NKAIN3: variants seen among roughly 807,000 people sequenced by gnomAD.
The protein encoded by NKAIN3 is sodium/potassium transporting ATPase interacting 3, also known as sodium/potassium-transporting ATPase subunit beta-1-interacting protein 3.
A neutral mutation model predicts 30.2 loss-of-function variants in NKAIN3; 25 were observed. The observed-to-expected ratio is 0.83, with a 90% confidence interval of 0.60 to 1.16. The LOEUF (loss-of-function observed/expected upper bound fraction) is 1.16. Among genes scored for constraint, NKAIN3 ranks in the 50% most tolerant of loss-of-function variants. The pLI, the probability that NKAIN3 is intolerant of heterozygous loss-of-function variation, is 0.00. For synonymous variants in NKAIN3, 91 were observed against 89.6 expected, an observed-to-expected ratio of 1.02 and a Z score of -0.09; for missense variants, 225 against 254.1, an observed-to-expected ratio of 0.89 and a Z score of 0.78.
intron 1 of NKAIN3, among the ~76,000 whole-genome samples, chr8:62,325,011 G>T (rs1167493402): frequency 6.6e-6 from 1 of 151,932 alleles, no homozygotes; most frequent in Non-Finnish European, 1.5e-5. Context: ...ACTTTTTGGG[G>T]TACATGTGGT....
intron 3 of NKAIN3, among the ~76,000 whole-genome samples, chr8:62,733,715 C>G (rs1046685575): frequency 2.0e-5 from 3 of 152,136 alleles, no homozygotes; most frequent in Non-Finnish European, 2.9e-5. Context: ...AAACTCTGAT[C>G]AGATGTGTAT....
At chr8:62,924,746 G>A (rs1822388375) in intron 5 of NKAIN3, among the ~76,000 whole-genome samples, 1 of 152,172 alleles carries the variant, frequency 6.6e-6, no homozygotes, top group African/African-American at 2.4e-5. Context: ...TATAATAACA[G>A]GAAGTTATTT....
At chr8:62,727,027 G>C (rs1040682296) in intron 3 of NKAIN3, among the ~76,000 whole-genome samples, 1 of 152,094 alleles carries the variant, frequency 6.6e-6, no homozygotes, top group African/African-American at 2.4e-5. Flanking sequence ...TTTATTGCAT[G>C]TATATGAAGA....
intron 4 of NKAIN3, among the ~76,000 whole-genome samples, chr8:62,805,994 A>G (rs191319575): frequency 1.3e-5 from 2 of 152,346 alleles, no homozygotes; most frequent in East Asian, 1.9e-4. Flanking sequence ...TGGGTGAAGG[A>G]CATGAACAGA....
At chr8:62,573,661 A>T (rs1392610603) in intron 1 of NKAIN3, among the ~76,000 whole-genome samples, 1 of 152,104 alleles carries the variant, frequency 6.6e-6, no homozygotes, top group African/African-American at 2.4e-5. Flanking sequence ...TCTTTTAGAA[A>T]TAATTCCACT....
intron 4 of NKAIN3, among the ~76,000 whole-genome samples, 172 bp downstream of exon 4, chr8:62,747,301 T>C (rs998386773): frequency 6.6e-6 from 1 of 152,192 alleles, no homozygotes; most frequent in Admixed American, 6.5e-5. Flanking sequence ...ACACCTTTTT[T>C]CTCTTGGTAT....
chr8:62,489,183 A>ATTTTTT (rs56881745), intron 1 of NKAIN3, among the ~76,000 whole-genome samples: 1 of 142,592 alleles, frequency 7.0e-6, no homozygotes, highest in Non-Finnish European at 1.5e-5. Flanking sequence ...CACCTGGCTA[A>ATTTTTT]TTTTTTTTTT....
At chr8:62,548,483 C>T (rs1352620294) in intron 1 of NKAIN3, among the ~76,000 whole-genome samples, 2 of 152,094 alleles carry the variant, frequency 1.3e-5, no homozygotes, top group South Asian at 2.1e-4. Context: ...GGGGTCATTA[C>T]GCTGCACTGA....
Position 62,746,995 on chromosome 8 carries a change from G to A in NKAIN3, c.337G>A (p.Gly113Ser), listed in dbSNP as rs1816093258. 6.2e-7 allele frequency: 1 copy of A among 1,613,740 alleles called. No homozygotes were observed. Among genetic ancestry groups the A allele is most frequent in the Admixed American group, 1.7e-5 (1 of 60,010 alleles). Residue 113 changes from glycine (G) to serine (S), a missense_variant, in exon 4 of 7, where the codon GGT becomes AGT. Physicochemically the swap from Gly to Ser is moderately conservative, Grantham distance 56. Coordinates refer to ENST00000623646, the MANE Select transcript of NKAIN3 (RefSeq NM_001304533.3). ...GTCATGGTGGAGAGAACATGGGCCTGGTTGTGTCAGAAGAGTGCTGCCTCC... is the reference window on the plus strand; with the variant it reads ...GTCATGGTGGAGAGAACATGGGCCTAGTTGTGTCAGAAGAGTGCTGCCTCC... ...HRSWWREHGPGCVRRVLPPSA... is the reference protein window; with the variant it reads ...HRSWWREHGPSCVRRVLPPSA...
intron 1 of NKAIN3, among the ~76,000 whole-genome samples, chr8:62,277,553 G>A (rs1394309425): frequency 6.6e-6 from 1 of 151,962 alleles, no homozygotes; most frequent in Non-Finnish European, 1.5e-5. Context: ...AGCTTGTGTG[G>A]TATGAAAATT....
intron 4 of NKAIN3, among the ~76,000 whole-genome samples, chr8:62,845,592 G>T (rs1299329309): frequency 6.6e-6 from 1 of 151,810 alleles, no homozygotes; most frequent in African/African-American, 2.4e-5. Context: ...TATTACTTTG[G>T]CTTATCACAG....
chr8:62,990,078 T>C (rs989683934), intron 5 of NKAIN3: 6 of 672,010 alleles, frequency 8.9e-6, no homozygotes, highest in African/African-American at 7.4e-5. Flanking sequence ...TTATTACACT[T>C]AATTTTGTTT....
chr8:62,912,886 G>A (rs901521619), intron 4 of NKAIN3, among the ~76,000 whole-genome samples: 4 of 151,920 alleles, frequency 2.6e-5, no homozygotes, highest in African/African-American at 9.7e-5. Context: ...TCCAGCCTGG[G>A]CAACAAGAGC....
chr8:62,698,019 C>T (rs551103750), intron 3 of NKAIN3, among the ~76,000 whole-genome samples: 1 of 152,032 alleles, frequency 6.6e-6, no homozygotes, highest in East Asian at 1.9e-4. Flanking sequence ...ATATAATACA[C>T]ATTTCAAAAA....
intron 4 of NKAIN3, among the ~76,000 whole-genome samples, chr8:62,784,254 G>A (rs1466665807): frequency 6.6e-6 from 1 of 151,562 alleles, no homozygotes; most frequent in African/African-American, 2.4e-5. Flanking sequence ...CCTAAAGCAA[G>A]CAGAAGTAAA....
chr8:62,415,352 G>T (rs973833182), intron 1 of NKAIN3, among the ~76,000 whole-genome samples: 1 of 147,566 alleles, frequency 6.8e-6, no homozygotes, highest in African/African-American at 2.5e-5. Flanking sequence ...AGATGATGAT[G>T]ATGATGAGAG....
chr8:62,616,177 T>C (rs182418178), intron 3 of NKAIN3, among the ~76,000 whole-genome samples: 9 of 152,190 alleles, frequency 5.9e-5, no homozygotes, highest in East Asian at 1.9e-4. Flanking sequence ...CATTCTCCAA[T>C]ACCAAATGGA....
intron 4 of NKAIN3, among the ~76,000 whole-genome samples, chr8:62,810,357 A>T (rs1818448713): frequency 6.6e-6 from 1 of 151,980 alleles, no homozygotes; most frequent in Non-Finnish European, 1.5e-5. Context: ...GGAGTAGGTC[A>T]TTTCTCAGGT....
Position 62,808,165 on chromosome 8 carries a change from C to A in NKAIN3, c.471+61036C>A, listed in dbSNP as rs181322394. Among the ~76,000 whole-genome samples the A allele has an allele frequency of 3.2e-4, 48 of 152,196 alleles. No individual in the cohort carries two copies. The East Asian group carries it at 7.9e-3, about 25-fold the overall frequency. On this transcript the variant is annotated intron_variant, in intron 4 of 6. Transcript: ENST00000623646. ...AAAATATTTTTATAGCAGCTGATTA[C>A]TTTGATGTGTCCACGTGCTTGTCAA...
Sources: allele counts gnomAD v4.1 joint callset (sites outside exome capture counted in the v4.1 genomes callset), GRCh38; gene constraint gnomAD v4.1.1; transcripts MANE v1.5; gene names NCBI Gene and HGNC (gene_info 2026-07-23, HGNC 2026-07-21).